Variants in LCLAT1 observed in about 807,000 individuals in gnomAD.
LCLAT1 encodes lysocardiolipin acyltransferase 1, also known as 1-AGP acyltransferase 8.
Under a neutral mutation model 30.7 loss-of-function variants are expected in LCLAT1, and 11 were observed. The observed-to-expected ratio is 0.36, with a 90% CI of 0.23 to 0.59. The LOEUF is 0.59. Ranked by LOEUF, LCLAT1 falls within the 20% of genes least tolerant of loss-of-function variation. The pLI is 0.77. For missense variants in LCLAT1, 402 were observed against 458.6 expected (o/e 0.88, Z 1.13); for synonymous variants, 155 against 151.3 (o/e 1.02, Z -0.18).
intron 3 of LCLAT1, among the ~76,000 whole-genome samples, chr2:30,545,439 C>T (rs1664355960): frequency 6.6e-6 from 1 of 151,884 alleles, no homozygotes; most frequent in Non-Finnish European, 1.5e-5. Flanking sequence ...TAAAGGAAAA[C>T]ACTGTATCTG....
At chr2:30,472,867 C>T (rs1682865582) in intron 1 of LCLAT1, among the ~76,000 whole-genome samples, 1 of 152,092 alleles carries the variant, frequency 6.6e-6, no homozygotes, top group Non-Finnish European at 1.5e-5. Context: ...ACATTTTGTG[C>T]CATGTCTAGC....
At chr2:30,593,347 G>A (rs1310074721) in intron 5 of LCLAT1, among the ~76,000 whole-genome samples, 4 of 152,138 alleles carry the variant, frequency 2.6e-5, no homozygotes, top group Non-Finnish European at 1.5e-5. Context: ...CTTGGCTGTT[G>A]TGAATAGTGC....
intron 1 of LCLAT1, among the ~76,000 whole-genome samples, chr2:30,496,993 A>G (rs1684151478): frequency 1.3e-5 from 2 of 152,252 alleles, no homozygotes; most frequent in East Asian, 3.8e-4. Flanking sequence ...TTACAATGTC[A>G]GTATTTACTT....
intron 1 of LCLAT1, among the ~76,000 whole-genome samples, chr2:30,515,667 A>G (rs570438629): frequency 3.7e-4 from 57 of 152,230 alleles, no homozygotes; most frequent in Non-Finnish European, 7.8e-4. Flanking sequence ...ATTTGTCAAT[A>G]AAATGTTATA....
intron 1 of LCLAT1, among the ~76,000 whole-genome samples, chr2:30,454,733 G>A (rs1681738952): frequency 1.3e-5 from 2 of 152,028 alleles, no homozygotes. Context: ...ACAGGCGTGA[G>A]CCACTGCACG....
At chr2:30,592,008 C>T (rs1276794248) in intron 5 of LCLAT1, among the ~76,000 whole-genome samples, 2 of 152,184 alleles carry the variant, frequency 1.3e-5, no homozygotes, top group African/African-American at 4.8e-5. Context: ...CCCTACCAGA[C>T]TGTTAATGTC....
chr2:30,563,301 T>C (rs962259539), intron 4 of LCLAT1, among the ~76,000 whole-genome samples: 2 of 152,176 alleles, frequency 1.3e-5, no homozygotes, highest in African/African-American at 4.8e-5. Flanking sequence ...AAATCAGTAG[T>C]TTTCACACTT....
chr2:30,561,237 G>A (rs1368111996), intron 3 of LCLAT1, among the ~76,000 whole-genome samples: 2 of 151,994 alleles, frequency 1.3e-5, no homozygotes, highest in South Asian at 2.1e-4. Context: ...GCCACCACAC[G>A]CGGCCTCTTG....
At chr2:30,524,510 G>A (rs888947354) in intron 1 of LCLAT1, among the ~76,000 whole-genome samples, 3 of 152,168 alleles carry the variant, frequency 2.0e-5, no homozygotes, top group African/African-American at 7.2e-5. Flanking sequence ...AATGTTATAT[G>A]GAAAATTCCA....
At chr2:30,510,877 T>C (rs1387013348) in intron 1 of LCLAT1, among the ~76,000 whole-genome samples, 1 of 152,186 alleles carries the variant, frequency 6.6e-6, no homozygotes, top group African/African-American at 2.4e-5. Context: ...AGTAGCTCTT[T>C]TATTCTCTGG....
chr2:30,525,354 G>A (rs560786013), intron 1 of LCLAT1, among the ~76,000 whole-genome samples: 22 of 152,286 alleles, frequency 1.4e-4, no homozygotes, highest in Admixed American at 1.2e-3. Flanking sequence ...TGGGATTGCA[G>A]CGTGAGTCGC....
chr2:30,456,401 A>G (rs1386060418), intron 1 of LCLAT1, among the ~76,000 whole-genome samples: 1 of 144,400 alleles, frequency 6.9e-6, no homozygotes, highest in East Asian at 2.1e-4. Context: ...ACTCCCTGGC[A>G]GGGGAAGGGG....
At chr2:30,498,910 A>G (rs964877322) in intron 1 of LCLAT1, among the ~76,000 whole-genome samples, 12 of 152,204 alleles carry the variant, frequency 7.9e-5, no homozygotes, top group Non-Finnish European at 1.5e-4. Context: ...GGCTCCTTCT[A>G]TCTCTAAAGT....
rs115677580 is a variant in LCLAT1 at position 30,475,696 on chromosome 2, C to A, written c.-5+28313C>A. ...TAGCCAGAATAAATGTTGAATGATT[C>A]CTTCCTTTTAGTGATTCTTTCTGAT... On this transcript the variant is annotated intron_variant, in intron 1 of 5. Coordinates refer to ENST00000379509, the MANE Select transcript of LCLAT1 (RefSeq NM_001002257.3). Among the ~76,000 whole-genome samples the A allele has an allele frequency of 9.2e-3, 1,393 of 152,236 alleles. 27 individuals carry two copies. The highest frequency in any genetic ancestry group is 0.032 in the African/African-American group (1,342 of 41,532).
At chr2:30,554,712 T>C (rs899851766) in intron 3 of LCLAT1, among the ~76,000 whole-genome samples, 3 of 152,214 alleles carry the variant, frequency 2.0e-5, no homozygotes, top group Non-Finnish European at 2.9e-5. Context: ...ATGGCTGCTA[T>C]GAAAAAGACC....
At chr2:30,527,223 T>C (rs1373809010) in intron 2 of LCLAT1, among the ~76,000 whole-genome samples, 1 of 152,214 alleles carries the variant, frequency 6.6e-6, no homozygotes. Flanking sequence ...GTCATTTATG[T>C]AACTATTTTT....
At chr2:30,550,463 A>G (rs1664630283) in intron 3 of LCLAT1, among the ~76,000 whole-genome samples, 1 of 152,028 alleles carries the variant, frequency 6.6e-6, no homozygotes, top group Non-Finnish European at 1.5e-5. Context: ...CTTGCTTTTC[A>G]TGGTGCCTTT....
At position 30,602,214 on chromosome 2, in the gene LCLAT1, A is replaced by AGC. The variant is rs1667225198; in HGVS notation, c.628+34039_628+34040dup. 1.3e-5 allele frequency among the ~76,000 whole-genome samples: 2 copies of AGC among 152,184 alleles called. 1 individual carries two copies. The highest frequency in any genetic ancestry group is 4.1e-4 in the South Asian group (2 of 4,836). ...TGTGTTTGAGAAAGATGCTGCTTGT[A>AGC]GCTGTGTTAACAGTGTAGCAGATAG... is the stretch of plus-strand genomic sequence containing the variant. On this transcript the variant is annotated intron_variant, in intron 5 of 5. Coordinates refer to ENST00000379509, the MANE Select transcript of LCLAT1 (RefSeq NM_001002257.3).
At chr2:30,635,245 AATAT>A (rs34490305) in intron 5 of LCLAT1, among the ~76,000 whole-genome samples, 1 of 148,242 alleles carries the variant, frequency 6.7e-6, no homozygotes, top group African/African-American at 2.5e-5. Flanking sequence ...TATATACACA[AATAT>A]ATATATATAT....
Sources: allele counts gnomAD v4.1 joint callset (sites outside exome capture counted in the v4.1 genomes callset), GRCh38; gene constraint gnomAD v4.1.1; transcripts MANE v1.5; gene names NCBI Gene and HGNC (gene_info 2026-07-23, HGNC 2026-07-21).